CEP104: variants seen among roughly 807,000 people sequenced by gnomAD.
The protein encoded by CEP104 is centrosomal protein 104, also known as centrosomal protein of 104 kDa.
Under a neutral mutation model 113.3 loss-of-function variants are expected in CEP104, and 84 were observed. That is an observed-to-expected ratio of 0.74 (90% CI 0.62 to 0.89). The LOEUF (loss-of-function observed/expected upper bound fraction) is 0.89, where lower values mean the gene tolerates loss of function less well. Ranked by LOEUF, CEP104 falls within the 40% of genes least tolerant of loss-of-function variation. The pLI, the probability that CEP104 is intolerant of heterozygous loss-of-function variation, is 0.00. For missense variants in CEP104, 1,053 were observed against 1,156.6 expected, an observed-to-expected ratio of 0.91 and a Z score of 1.30; for synonymous variants, 378 against 421.7, an observed-to-expected ratio of 0.90 and a Z score of 1.27.
intron 20 of CEP104, among the ~76,000 whole-genome samples, chr1:3,816,881 G>A (rs1643888888): frequency 6.6e-6 from 1 of 152,252 alleles, no homozygotes; most frequent in African/African-American, 2.4e-5. Flanking sequence ...GACTGCCTGG[G>A]CAGCCAGCTT....
At chr1:3,843,271 C>G (rs1380666715) in intron 6 of CEP104, 2 of 703,466 alleles carry the variant, frequency 2.8e-6, no homozygotes, top group East Asian at 2.7e-5. Context: ...GAGGATGGCA[C>G]AGCGGGGCCC....
chr1:3,848,806 T>G, intron 2 of CEP104, 25 bp from the exon 3 acceptor site: 1 of 1,595,810 alleles, frequency 6.3e-7, no homozygotes, highest in South Asian at 1.1e-5. Flanking sequence ...ATTTTTATAT[T>G]TTCTGAACAA....
chr1:3,841,591 A>G (rs1326949245), intron 6 of CEP104, among the ~76,000 whole-genome samples: 1 of 152,246 alleles, frequency 6.6e-6, no homozygotes, highest in Non-Finnish European at 1.5e-5. Context: ...TTGATTCAGC[A>G]GCAGCGTGGG....
At position 3,813,545 on chromosome 1, in the gene CEP104, C is replaced by T. The variant is rs1460969624; in HGVS notation, c.*1857G>A. 2.0e-5 allele frequency: 3 copies of T among 149,948 alleles called. No homozygotes were observed. Among genetic ancestry groups the T allele is most frequent in the Non-Finnish European group, 4.4e-5 (3 of 67,434 alleles). 9.3% of individuals were successfully genotyped at this position (149,948 alleles called of 1,614,324 possible). ...CAGCGTGAGCCACCGCGCCTGGCCTCCTCTCTCCTTATAAACACATTTAAC... is the reference window on the plus strand; with the variant it reads ...CAGCGTGAGCCACCGCGCCTGGCCTTCTCTCTCCTTATAAACACATTTAAC... On this transcript the variant is annotated 3_prime_UTR_variant, in exon 22 of 22. Coordinates refer to ENST00000378230, the MANE Select transcript of CEP104 (RefSeq NM_014704.4).
chr1:3,855,159 A>T (rs10909805), intron 1 of CEP104, among the ~76,000 whole-genome samples: 136,503 of 148,348 alleles, frequency 0.92, 63,463 homozygotes, highest in Middle Eastern at 0.98. Context: ...GGCGTGGCCA[A>T]TAAGCCCAGC....
At position 3,852,334 on chromosome 1, in the gene CEP104, A is replaced by G; in HGVS notation, c.74T>C (p.Met25Thr). Residue 25 changes from methionine to threonine, a missense_variant, in exon 2 of 22, where the codon ATG (methionine) becomes ACG (threonine). Met to Thr is a moderately conservative substitution (Grantham distance 81). Coordinates refer to ENST00000378230, the MANE Select transcript of CEP104 (RefSeq NM_014704.4). ...CCCACTGACAGTTGGCGCGTGGATC[A>G]TGAGCTCCCGGGCACTGAAGCCGTC... ...HEDGFSAREL[M>T]IHAPTVSGWR... 1.2e-6 allele frequency: 2 copies of G among 1,614,108 alleles called. No homozygotes were observed. Among genetic ancestry groups the G allele is most frequent in the Non-Finnish European group, 1.7e-6 (2 of 1,180,032 alleles).
At chr1:3,817,654 G>C (rs377602680) in intron 20 of CEP104, among the ~76,000 whole-genome samples, 1 of 152,180 alleles carries the variant, frequency 6.6e-6, no homozygotes. Context: ...GGCACATGGG[G>C]TGCAGTTGCT....
In CEP104 at chr1:3,856,982, A is replaced by C. The variant is rs12145238; in HGVS notation, c.-108T>G. 0.33 allele frequency: 49,559 copies of C among 151,718 alleles called. 9,030 individuals are homozygous for C. Among genetic ancestry groups the C allele is most frequent in the African/African-American group, 0.5 (20,528 of 41,396 alleles). 9.4% of individuals were successfully genotyped at this position (151,718 alleles called of 1,614,324 possible). ...GGTGCCGCGGCCCGGGGAGGCGGCC[A>C]GGCGGCGCCTCAGCACCCGGACCCC... On this transcript the variant is annotated 5_prime_UTR_variant, in exon 1 of 22. Coordinates refer to ENST00000378230, the MANE Select transcript of CEP104 (RefSeq NM_014704.4).
chr1:3,821,399 G>A (rs1264993830), intron 20 of CEP104, among the ~76,000 whole-genome samples: 1 of 152,222 alleles, frequency 6.6e-6, no homozygotes, highest in Non-Finnish European at 1.5e-5. Context: ...AGATGCTAGT[G>A]ACCCAGCTTA....
chr1:3,812,934 C>T lies in CEP104; in HGVS notation c.*2468G>A, dbSNP rs907957898. Reference sequence around the variant, plus strand: ...AAAGAGGAACCTGTTTTAAATGAACCCGTTTGCTTGTCAATCACTAAAAAT... The same window carrying T: ...AAAGAGGAACCTGTTTTAAATGAACTCGTTTGCTTGTCAATCACTAAAAAT... On this transcript the variant is annotated 3_prime_UTR_variant, in exon 22 of 22. Coordinates refer to ENST00000378230, the MANE Select transcript of CEP104 (RefSeq NM_014704.4). 2 of 151,952 alleles carry T rather than the reference C, an allele frequency of 1.3e-5. No homozygotes were observed. The highest frequency in any genetic ancestry group is 2.9e-5 in the Non-Finnish European group (2 of 68,006). The allele number at this position is 151,952 out of a possible 1,614,324, so 9.4% of individuals were successfully genotyped here.
intron 15 of CEP104, among the ~76,000 whole-genome samples, chr1:3,828,113 G>A (rs1178909171): frequency 6.6e-6 from 1 of 152,130 alleles, no homozygotes; most frequent in East Asian, 1.9e-4. Context: ...GCTGCTTCTG[G>A]AGCCACTGCC....
At chr1:3,824,789 G>A (rs538881918) in intron 18 of CEP104, among the ~76,000 whole-genome samples, 12 of 152,192 alleles carry the variant, frequency 7.9e-5, no homozygotes, top group Admixed American at 3.3e-4. Flanking sequence ...AAGCATGGCC[G>A]CAGTGCCACT....
chr1:3,818,048 C>T (rs986321641), intron 20 of CEP104, among the ~76,000 whole-genome samples: 2 of 152,232 alleles, frequency 1.3e-5, no homozygotes, highest in Non-Finnish European at 2.9e-5. Context: ...TGGCCAAGTG[C>T]AGATGCAAGA....
chr1:3,843,792 T>C (rs6695657), intron 6 of CEP104, among the ~76,000 whole-genome samples: 139,218 of 151,634 alleles, frequency 0.92, 64,647 homozygotes, highest in Middle Eastern at 0.98. Context: ...GATGGAGTCT[T>C]GCTCTATCGC....
chr1:3,843,144 C>T (rs1158744214), intron 6 of CEP104: 1 of 661,000 alleles, frequency 1.5e-6, no homozygotes, highest in Admixed American at 2.7e-5. Flanking sequence ...GCAGCCCTTC[C>T]CTTCTTTCCT....
In CEP104 at chr1:3,813,043, T is replaced by C. The variant is rs1643821204; in HGVS notation, c.*2359A>G. On this transcript the variant is annotated 3_prime_UTR_variant, in exon 22 of 22. Coordinates refer to ENST00000378230, the MANE Select transcript of CEP104 (RefSeq NM_014704.4). ...TGTGTATATATATATATATATTTCT[T>C]AAAAGTGTTGATTGGTGAGAAAAGA... The C allele has an allele frequency of 6.6e-6, 1 of 152,112 alleles. No homozygotes were observed. The highest frequency in any genetic ancestry group is 1.5e-5 in the Non-Finnish European group (1 of 68,026). 9.4% of individuals were successfully genotyped at this position (152,112 alleles called of 1,614,324 possible).
chr1:3,837,211 TG>T, intron 9 of CEP104, 80 bp downstream of exon 9: 1 of 1,202,358 alleles, frequency 8.3e-7, no homozygotes, highest in Non-Finnish European at 1.2e-6. Context: ...ACCCCATGCA[TG>T]GGAACAGCAC....
intron 20 of CEP104, among the ~76,000 whole-genome samples, chr1:3,822,597 A>G (rs1430558827): frequency 2.6e-5 from 4 of 152,136 alleles, no homozygotes; most frequent in Non-Finnish European, 5.9e-5. Context: ...GGCCAGAATA[A>G]TTGCCACGGA....
chr1:3,821,657 G>C lies in CEP104; in HGVS notation c.2571+1517C>G, dbSNP rs542150298. ...CGGGGGACACACCAGCATTGCCTGT[G>C]AAGCGGCCACACTCACACCGAGCCT... On this transcript the variant is annotated intron_variant, in intron 20 of 21. Transcript: ENST00000378230. 4.6e-5 allele frequency among the ~76,000 whole-genome samples: 7 copies of C among 152,300 alleles called. No homozygotes were observed. The East Asian group carries it at 1.4e-3, about 29-fold the overall frequency.
Sources: gnomAD v4.1 joint callset for allele counts (sites outside exome capture counted in the v4.1 genomes callset) on GRCh38, gnomAD v4.1.1 for gene constraint, MANE v1.5 for transcripts, NCBI Gene and HGNC (gene_info 2026-07-23, HGNC 2026-07-21) for gene names.